Variants in MYO6 observed in about 807,000 individuals in gnomAD.
The protein encoded by MYO6 is myosin VI.
Under a neutral mutation model 178.7 loss-of-function variants are expected in MYO6, and 74 were observed. That is an observed-to-expected ratio of 0.41 (90% CI 0.34 to 0.50). The LOEUF (loss-of-function observed/expected upper bound fraction) is 0.50, where lower values mean the gene tolerates loss of function less well. Among genes scored for constraint, MYO6 ranks in the 20% least tolerant of loss-of-function variants. MYO6 has a pLI of 0.09. For missense variants in MYO6, 1,330 were observed against 1,547.4 expected, an observed-to-expected ratio of 0.86 and a Z score of 2.36; for synonymous variants, 477 against 504.6, an observed-to-expected ratio of 0.95 and a Z score of 0.73.
At chr6:75,866,414 G>C in intron 16 of MYO6, 112 bp from the exon 17 acceptor site, 1 of 815,346 alleles carries the variant, frequency 1.2e-6, no homozygotes, top group Non-Finnish European at 2.0e-6. Flanking sequence ...TGTGAAAAGT[G>C]TGAAAATTTC....
intron 1 of MYO6, among the ~76,000 whole-genome samples, chr6:75,811,949 A>G (rs1433022399): frequency 6.6e-6 from 1 of 152,236 alleles, no homozygotes; most frequent in Non-Finnish European, 1.5e-5. Flanking sequence ...AAGAGGTTAA[A>G]TAACTTACTT....
intron 1 of MYO6, among the ~76,000 whole-genome samples, chr6:75,771,384 TTTAA>T (rs1239474716): frequency 6.6e-6 from 1 of 151,908 alleles, no homozygotes; most frequent in Admixed American, 6.6e-5. Context: ...CTCCCAGGAG[TTTAA>T]TTAATAAACA....
chr6:75,822,100 C>G (rs1434186815), intron 2 of MYO6, among the ~76,000 whole-genome samples: 1 of 145,226 alleles, frequency 6.9e-6, no homozygotes, highest in Non-Finnish European at 1.5e-5. Context: ...GAATTTTTTT[C>G]TGTCTTTTTT....
intron 32 of MYO6, among the ~76,000 whole-genome samples, chr6:75,910,203 A>C (rs573197453): frequency 6.6e-6 from 1 of 152,284 alleles, no homozygotes; most frequent in South Asian, 2.1e-4. Flanking sequence ...ACCACAGATT[A>C]CCTTTGTTTT....
chr6:75,840,679 A>G lies in MYO6; in HGVS notation c.648A>G (p.Glu216=). The G allele has an allele frequency of 6.2e-7, 1 of 1,605,284 alleles. No individual in the cohort carries two copies. Among genetic ancestry groups the G allele is most frequent in the Non-Finnish European group, 8.5e-7 (1 of 1,172,058 alleles). The change falls in exon 8 of 35, where the codon GAA becomes GAG. Residue 216 remains glutamate (E), a synonymous_variant. Coordinates refer to ENST00000369977, the MANE Select transcript of MYO6 (RefSeq NM_004999.4). The part of the protein sequence containing the change: ...FGKFVEIHFN[E]KSSVVGGFVS... ...AATTTGTAGAAATACATTTTAATGA[A>G]AAGGTAAGTGAGAGTAAGCTTTGGA...
chr6:75,846,566 T>C (rs911402081), intron 10 of MYO6, among the ~76,000 whole-genome samples: 2 of 152,186 alleles, frequency 1.3e-5, no homozygotes, highest in Non-Finnish European at 2.9e-5. Flanking sequence ...TAAACTTTGC[T>C]ATAGCCATGG....
chr6:75,905,047 G>GGGCCCACTTGAGGAGACAGTCTGC (rs1398088223), intron 30 of MYO6, among the ~76,000 whole-genome samples: 2 of 152,200 alleles, frequency 1.3e-5, no homozygotes, highest in Non-Finnish European at 2.9e-5. Context: ...TAGGGGTCAG[G>GGGCCCACTTGAGGAGACAGTCTGC]GGTCAGGGGC....
rs1192390683 is a variant in MYO6, at chr6:75,915,974, T to C, written c.*962T>C. Reference sequence around the variant, plus strand: ...CTAGTGTCTTTTTTGGCCTTTGAGGTTTTGGTAATTGTAGACCTGTTTCAT... The same window carrying C: ...CTAGTGTCTTTTTTGGCCTTTGAGGCTTTGGTAATTGTAGACCTGTTTCAT... On this transcript the variant is annotated 3_prime_UTR_variant, in exon 35 of 35. Coordinates refer to ENST00000369977, the MANE Select transcript of MYO6 (RefSeq NM_004999.4). The C allele has an allele frequency of 6.6e-6, 1 of 152,622 alleles. No individual in the cohort carries two copies. Among genetic ancestry groups the C allele is most frequent in the Non-Finnish European group, 1.5e-5 (1 of 68,032 alleles). The allele number at this position is 152,622 out of a possible 1,614,324, so 9.5% of individuals were successfully genotyped here.
Position 75,892,709 on chromosome 6 carries a change from G to A in MYO6, c.3107+19G>A, listed in dbSNP as rs538399704. ...TGCGGAGGTACTGGGGCCCCTGGGT[G>A]GGGTATAGCGCTCTCTCCTTTGCTT... On this transcript the variant is annotated intron_variant, in intron 28 of 34. Transcript: ENST00000369977. The A allele has an allele frequency of 8.4e-5, 136 of 1,611,862 alleles. 2 individuals are homozygous for A. The South Asian group carries it at 1.4e-3, about 16-fold the overall frequency.
chr6:75,840,507 C>A, intron 7 of MYO6, 78 bp from the exon 8 acceptor site: 1 of 956,562 alleles, frequency 1.0e-6, no homozygotes, highest in Non-Finnish European at 1.7e-6. Flanking sequence ...TATATATTAA[C>A]AAATGGAGAT....
intron 1 of MYO6, among the ~76,000 whole-genome samples, chr6:75,775,294 A>AT (rs1272454614): frequency 3.9e-5 from 6 of 152,164 alleles, no homozygotes; most frequent in Non-Finnish European, 7.3e-5. Context: ...CGAGCTGAGC[A>AT]AATTCTTCCA....
At chr6:75,895,142 TA>T (rs1779196207) in intron 28 of MYO6, 88 bp from the exon 29 acceptor site, 1 of 972,628 alleles carries the variant, frequency 1.0e-6, no homozygotes, top group African/African-American at 1.6e-5. Context: ...AATCAATGAG[TA>T]AAGTAATTGA....
At chr6:75,793,228 A>G (rs974081487) in intron 1 of MYO6, among the ~76,000 whole-genome samples, 2 of 152,330 alleles carry the variant, frequency 1.3e-5, no homozygotes, top group East Asian at 1.9e-4. Flanking sequence ...CTTACCTGAA[A>G]TGCATTTTAC....
At chr6:75,900,878 A>G (rs113134307) in intron 30 of MYO6, among the ~76,000 whole-genome samples, 5,448 of 150,476 alleles carry the variant, frequency 0.036, 157 homozygotes, top group Middle Eastern at 0.083. Flanking sequence ...TCTAACGTTT[A>G]AGTCTTTAAT....
chr6:75,885,095 A>G (rs1386037516), intron 23 of MYO6, among the ~76,000 whole-genome samples: 2 of 152,242 alleles, frequency 1.3e-5, no homozygotes, highest in Non-Finnish European at 2.9e-5. Flanking sequence ...CCAGGAATGA[A>G]CAAGGACAGC....
At chr6:75,760,626 AC>A (rs1562119471) in intron 1 of MYO6, among the ~76,000 whole-genome samples, 2 of 152,240 alleles carry the variant, frequency 1.3e-5, no homozygotes, top group South Asian at 2.1e-4. Flanking sequence ...TAAAAAAAAA[AC>A]AAATATGTTT....
chr6:75,791,382 T>A (rs1768232869), intron 1 of MYO6, among the ~76,000 whole-genome samples: 1 of 152,220 alleles, frequency 6.6e-6, no homozygotes, highest in Non-Finnish European at 1.5e-5. Flanking sequence ...ATATGTATAA[T>A]GTTTGTTGTC....
Position 75,844,980 on chromosome 6 carries a change from A to G in MYO6, c.897+3A>G. On this transcript the variant is annotated splice_donor_region_variant and intron_variant, in intron 10 of 34. Transcript: ENST00000369977. ...TACAGAACCGCAAAAGTCCTGAGGT[A>G]TAGTAGACCATTGTTCATAAAATCT... 6.2e-7 allele frequency: 1 copy of G among 1,601,272 alleles called. No homozygotes were observed. The highest frequency in any genetic ancestry group is 8.6e-7 in the Non-Finnish European group (1 of 1,168,760).
intron 1 of MYO6, among the ~76,000 whole-genome samples, chr6:75,758,737 C>T (rs1031980218): frequency 7.2e-5 from 11 of 152,112 alleles, no homozygotes; most frequent in Admixed American, 3.9e-4. Context: ...GGATTACAGG[C>T]GTGAGCCACC....
Sources: gnomAD v4.1 joint callset for allele counts (sites outside exome capture counted in the v4.1 genomes callset) on GRCh38, gnomAD v4.1.1 for gene constraint, MANE v1.5 for transcripts, NCBI Gene and HGNC (gene_info 2026-07-23, HGNC 2026-07-21) for gene names.